Variants in URGCP observed in about 807,000 individuals in gnomAD.
URGCP encodes upregulator of cell proliferation.
A neutral mutation model predicts 24.6 loss-of-function variants in URGCP; 13 were observed. The ratio of observed to expected loss-of-function variants is 0.53; its 90% CI spans 0.34 to 0.84. The LOEUF (loss-of-function observed/expected upper bound fraction) is 0.84, where lower values mean the gene tolerates loss of function less well. URGCP is among the 40% of genes least tolerant of loss of function. The pLI, the probability that URGCP is intolerant of heterozygous loss-of-function variation, is 0.01. For synonymous variants in URGCP, 444 were observed against 487.2 expected, an observed-to-expected ratio of 0.91 and a Z score of 1.17; for missense variants, 899 against 1,194.3, an observed-to-expected ratio of 0.75 and a Z score of 3.64.
At chr7:43,902,506 G>A (rs1393175195) in intron 1 of URGCP, among the ~76,000 whole-genome samples, 1 of 152,190 alleles carries the variant, frequency 6.6e-6, no homozygotes, top group Non-Finnish European at 1.5e-5. Flanking sequence ...CTGAAACAAA[G>A]CGCTGAGGAG....
intron 3 of URGCP, among the ~76,000 whole-genome samples, chr7:43,885,954 T>C (rs1461405502): frequency 2.0e-5 from 3 of 152,268 alleles, no homozygotes; most frequent in Non-Finnish European, 4.4e-5. Context: ...TAAAGGGCTT[T>C]GGGCAATTAC....
intron 1 of URGCP, among the ~76,000 whole-genome samples, chr7:43,905,224 G>A (rs71540552): frequency 1.3e-5 from 2 of 151,226 alleles, no homozygotes; most frequent in African/African-American, 4.9e-5. Context: ...GCTTCGTTCA[G>A]GGCAGCCCCA....
intron 1 of URGCP, among the ~76,000 whole-genome samples, chr7:43,924,986 T>G (rs911376686): frequency 6.6e-6 from 1 of 152,110 alleles, no homozygotes; most frequent in Non-Finnish European, 1.5e-5. Flanking sequence ...CTAGAACTCC[T>G]GGACTAAGGG....
Position 43,915,402 on chromosome 7 carries a change from A to C in URGCP, c.-116+10730T>G, listed in dbSNP as rs553392768. On this transcript the variant is annotated intron_variant, in intron 1 of 5. Coordinates refer to the URGCP transcript ENST00000426198. ...TGCACCCCCTCACCCCATTGCTCTC[A>C]GGGACTGGGAATGTCAGCCTTGGTC... Among the ~76,000 whole-genome samples the C allele has an allele frequency of 3.9e-4, 60 of 152,306 alleles. No individual in the cohort carries two copies. The South Asian group carries it at 0.012, about 30-fold the overall frequency.
chr7:43,908,720 T>C (rs1001752608), upstream of URGCP, among the ~76,000 whole-genome samples: 1 of 152,204 alleles, frequency 6.6e-6, no homozygotes, highest in South Asian at 2.1e-4. Flanking sequence ...CTTGAAAGAA[T>C]TCCTCTTTCT....
At chr7:43,879,774 G>GT (rs139629088) in intron 5 of URGCP, 13,406 of 152,212 alleles carry the variant, frequency 0.088, 732 homozygotes, top group African/African-American at 0.14. Context: ...GTTTTTTTGT[G>GT]TTTTTTTTCT....
At position 43,879,248 on chromosome 7, in the gene URGCP, C is replaced by T; in HGVS notation, c.215G>A (p.Arg72Lys). ...CAAAAGTGACAGCATTTCTTGAAGC[C>T]TGCTTCTCTCCACTGTGGAAAGAAA... ...DNDFPTVERS[R>K]LQEMLSLLGL... is the part of the protein sequence containing the mutation. The change falls in exon 6 of 6, where the codon AGG (arginine) becomes AAG (lysine). Residue 72 changes from arginine to lysine, a missense_variant. Arg to Lys is a conservative substitution (Grantham distance 26). Coordinates refer to ENST00000453200, the MANE Select transcript of URGCP (RefSeq NM_001077663.3). The T allele has an allele frequency of 6.2e-7, 1 of 1,609,586 alleles. No individual in the cohort carries two copies. Among genetic ancestry groups the T allele is most frequent in the Admixed American group, 1.7e-5 (1 of 59,642 alleles).
intron 1 of URGCP, among the ~76,000 whole-genome samples, chr7:43,916,520 G>A (rs925890124): frequency 1.3e-5 from 2 of 152,066 alleles, no homozygotes; most frequent in South Asian, 2.1e-4. Context: ...AGAGGCAGAC[G>A]ACAACAGAAG....
chr7:43,922,147 C>T (rs2095923170), intron 1 of URGCP, among the ~76,000 whole-genome samples: 2 of 152,188 alleles, frequency 1.3e-5, no homozygotes, highest in Admixed American at 6.5e-5. Context: ...TCCTGGCAAC[C>T]TCCACCTCCC....
intron 5 of URGCP, among the ~76,000 whole-genome samples, chr7:43,880,941 G>T (rs2095852839): frequency 6.6e-6 from 1 of 152,210 alleles, no homozygotes; most frequent in Non-Finnish European, 1.5e-5. Flanking sequence ...CGACCAGCAG[G>T]ACTCACAGTG....
intron 1 of URGCP, among the ~76,000 whole-genome samples, chr7:43,900,854 TACTC>T (rs548602901): frequency 1.1e-3 from 170 of 152,366 alleles, no homozygotes; most frequent in Middle Eastern, 6.8e-3. Context: ...CACAGCTTCT[TACTC>T]ACGTGGGCCA....
intron 1 of URGCP, among the ~76,000 whole-genome samples, chr7:43,914,486 CA>C (rs2095913460): frequency 6.6e-6 from 1 of 152,100 alleles, no homozygotes; most frequent in Non-Finnish European, 1.5e-5. Flanking sequence ...GCCTGGGTGG[CA>C]GGATGAGAGT....
chr7:43,909,493 G>A (rs1249179877), upstream of URGCP, among the ~76,000 whole-genome samples: 6 of 152,154 alleles, frequency 3.9e-5, no homozygotes, highest in East Asian at 3.9e-4. Context: ...TTGGGAGGCC[G>A]AGGCGGGTGG....
intron 1 of URGCP, chr7:43,888,084 T>C: frequency 2.4e-6 from 1 of 423,284 alleles, no homozygotes; most frequent in Non-Finnish European, 4.2e-6. Context: ...AAATTGTGTA[T>C]GTTTATCTAT....
At chr7:43,923,518 C>T (rs2095925156) in intron 1 of URGCP, among the ~76,000 whole-genome samples, 1 of 152,094 alleles carries the variant, frequency 6.6e-6, no homozygotes, top group Admixed American at 6.6e-5. Flanking sequence ...AAACTCCTGG[C>T]CTCGAGCAAT....
Position 43,879,178 on chromosome 7 carries a change from A to G in URGCP, c.285T>C (p.Ser95=). ...TCATACTGTCAAAACTGATCTGCAG[A>G]GAGTCCTGGAGGCTGAGTTTCTGGA... is the stretch of plus-strand genomic sequence containing the variant. ...YQVQKLSLQD[S]LQISFDSMKN... The change falls in exon 6 of 6, where the codon TCT becomes TCC. Residue 95 remains serine, a synonymous_variant. Transcript: ENST00000453200. 1 of 1,614,088 alleles carries G rather than the reference A, an allele frequency of 6.2e-7. No homozygotes were observed.
At chr7:43,900,464 C>CAAAAAAA (rs1166653286) in intron 1 of URGCP, among the ~76,000 whole-genome samples, 4 of 54,482 alleles carry the variant, frequency 7.3e-5, no homozygotes, top group East Asian at 4.8e-4. Flanking sequence ...CAAAAAAAAC[C>CAAAAAAA]AAAACAAAAA....
chr7:43,906,670 C>G (rs1211069141), upstream of URGCP: 163 of 1,083,838 alleles, frequency 1.5e-4, no homozygotes, highest in East Asian at 7.6e-3. Context: ...GCCGCCCGCC[C>G]GCTCCGGGAC....
intron 1 of URGCP, among the ~76,000 whole-genome samples, chr7:43,923,877 TTA>T (rs1157420355): frequency 5.5e-5 from 8 of 145,314 alleles, no homozygotes; most frequent in Non-Finnish European, 1.0e-4. Context: ...TGTATTATTA[TTA>T]TTTTTTTTTT....
Sources: gnomAD v4.1 joint callset for allele counts (sites outside exome capture counted in the v4.1 genomes callset) on GRCh38, gnomAD v4.1.1 for gene constraint, MANE v1.5 for transcripts, NCBI Gene and HGNC (gene_info 2026-07-23, HGNC 2026-07-21) for gene names.